The following SUN1 variants were observed in gnomAD, a reference collection of about 807,000 sequenced individuals.
SUN1 encodes the protein Sad1 and UNC84 domain containing 1, also known as SUN domain-containing protein 1.
SUN1 carries 61 observed loss-of-function variants against 103.2 expected under a neutral mutation model. The ratio of observed to expected loss-of-function variants is 0.59; its 90% CI spans 0.48 to 0.73. SUN1 has a LOEUF of 0.73. Ranked by LOEUF, SUN1 falls within the 30% of genes least tolerant of loss-of-function variation. SUN1 has a pLI of 0.00. For synonymous variants in SUN1, 490 were observed against 425.7 expected (o/e 1.15, Z -1.86); for missense variants, 1,052 against 1,034.6 (o/e 1.02, Z -0.23).
At chr7:822,336 T>C (rs534190197) in intron 1 of SUN1, among the ~76,000 whole-genome samples, 10 of 152,338 alleles carry the variant, frequency 6.6e-5, no homozygotes, top group Non-Finnish European at 1.3e-4. Flanking sequence ...ATACAGTGAA[T>C]GGCTGTAGGT....
intron 5 of SUN1, chr7:848,440 T>C: frequency 7.3e-7 from 1 of 1,360,692 alleles, no homozygotes; most frequent in Non-Finnish European, 9.8e-7. Context: ...TCTACGTGAA[T>C]AGGATTTTGT....
At chr7:870,893 T>C (rs1052967990) in intron 17 of SUN1, among the ~76,000 whole-genome samples, 296 of 114,276 alleles carry the variant, frequency 2.6e-3, no homozygotes, top group African/African-American at 7.4e-3. Flanking sequence ...CTTTCTTTTT[T>C]TTTTTTTTTT....
intron 17 of SUN1, 30 bp from the exon 18 acceptor site, chr7:872,440 G>C (rs370246334): frequency 6.4e-7 from 1 of 1,559,070 alleles, no homozygotes; most frequent in South Asian, 1.2e-5. Flanking sequence ...TTTTCCATTC[G>C]TTCATAATTG....
intron 1 of SUN1, chr7:817,239 C>A: frequency 1.6e-6 from 1 of 636,990 alleles, no homozygotes; most frequent in Non-Finnish European, 2.8e-6. Context: ...GGATCACAGG[C>A]GTGAGCCACC....
At chr7:833,747 G>GGTCCATC (rs1800121184) in intron 1 of SUN1, among the ~76,000 whole-genome samples, 1 of 152,196 alleles carries the variant, frequency 6.6e-6, no homozygotes, top group African/African-American at 2.4e-5. Context: ...CACAGTTCTA[G>GGTCCATC]GTCCATCACA....
intron 5 of SUN1, among the ~76,000 whole-genome samples, chr7:845,391 G>A (rs1054340066): frequency 4.6e-5 from 7 of 152,196 alleles, no homozygotes; most frequent in African/African-American, 1.7e-4. Flanking sequence ...TGGGCTTCAC[G>A]CCTGCCTTGC....
At chr7:828,484 C>T (rs768020424), upstream of SUN1, among the ~76,000 whole-genome samples, 4 of 152,094 alleles carry the variant, frequency 2.6e-5, no homozygotes, top group Non-Finnish European at 5.9e-5. Flanking sequence ...GTTGGCCCCG[C>T]TGGCCTCGAA....
At chr7:821,289 C>T (rs1785751447) in intron 1 of SUN1, among the ~76,000 whole-genome samples, 1 of 149,944 alleles carries the variant, frequency 6.7e-6, no homozygotes, top group Non-Finnish European at 1.5e-5. Flanking sequence ...CCGGCCTTAG[C>T]CTCCTGAGTA....
At chr7:858,893 G>A (rs553329760) in intron 13 of SUN1, among the ~76,000 whole-genome samples, 6 of 152,308 alleles carry the variant, frequency 3.9e-5, no homozygotes, top group South Asian at 2.1e-4. Flanking sequence ...CGCGGCTCAC[G>A]CCTGTGATTC....
At chr7:853,729 G>T in intron 10 of SUN1, 111 bp downstream of exon 10, 1 of 1,242,656 alleles carries the variant, frequency 8.0e-7, no homozygotes, top group South Asian at 1.4e-5. Context: ...TTGTGAAAAG[G>T]GGTTGCCCTT....
rs368348962 is a variant in SUN1 at position 864,668 on chromosome 7, G to A, written c.1865-1284G>A. Among the ~76,000 whole-genome samples, 28 of 54,986 alleles carry A rather than the reference G, an allele frequency of 5.1e-4. No homozygotes were observed. In the East Asian group the frequency reaches 9.7e-3, roughly 19 times the overall value. 36.1% of individuals were successfully genotyped at this position (54,986 alleles called of 152,430 possible). ...TAGAGACAAAGAGTCTCGCTCTGTC[G>A]CCCAGGCTGGAGTGCAATGGCGCAA... On this transcript the variant is annotated intron_variant, in intron 15 of 18. Coordinates refer to ENST00000401592, the MANE Select transcript of SUN1 (RefSeq NM_001130965.3).
intron 5 of SUN1, chr7:848,571 A>G (rs1387904583): frequency 1.5e-6 from 2 of 1,353,090 alleles, no homozygotes; most frequent in Non-Finnish European, 2.0e-6. Flanking sequence ...GAATCAAAAG[A>G]TTGTGAATCC....
intron 1 of SUN1, among the ~76,000 whole-genome samples, chr7:822,060 T>G (rs78733180): frequency 6.6e-6 from 1 of 152,148 alleles, no homozygotes; most frequent in East Asian, 1.9e-4. Context: ...ACTTGATTTA[T>G]AGATAGAGGA....
At chr7:850,477 T>TA (rs887754839) in intron 5 of SUN1, 13 of 154,812 alleles carry the variant, frequency 8.4e-5, no homozygotes, top group East Asian at 1.9e-4. Flanking sequence ...GTTGGCATCT[T>TA]AAAAAAAAAG....
At chr7:829,811 C>A (rs1470161734), upstream of SUN1, among the ~76,000 whole-genome samples, 2 of 152,190 alleles carry the variant, frequency 1.3e-5, no homozygotes, top group African/African-American at 4.8e-5. Flanking sequence ...TCCTCGGCCT[C>A]CCAAAGTGCT....
At chr7:826,188 C>G (rs1455153300) in intron 1 of SUN1, among the ~76,000 whole-genome samples, 2 of 150,680 alleles carry the variant, frequency 1.3e-5, no homozygotes, top group African/African-American at 4.9e-5. Context: ...GATCACGCCC[C>G]TGGCACTCTA....
intron 11 of SUN1, 106 bp downstream of exon 11, chr7:855,112 G>T (rs1825899626): frequency 2.3e-6 from 2 of 882,830 alleles, no homozygotes; most frequent in Non-Finnish European, 3.5e-6. Context: ...TAGGCTATTT[G>T]CTGTTTGTTT....
At chr7:860,451 T>A in intron 14 of SUN1, 69 bp downstream of exon 14, 1 of 1,578,502 alleles carries the variant, frequency 6.3e-7, no homozygotes, top group Non-Finnish European at 8.6e-7. Context: ...GACCTAGCTG[T>A]GAGGTGTGGA....
upstream of SUN1, among the ~76,000 whole-genome samples, chr7:831,341 G>A (rs1358025169): frequency 3.3e-5 from 5 of 150,100 alleles, no homozygotes; most frequent in Admixed American, 6.7e-5. Flanking sequence ...GTACGATCTC[G>A]GCTCACTGCA....
Sources: gnomAD v4.1 joint callset for allele counts (sites outside exome capture counted in the v4.1 genomes callset) on GRCh38, gnomAD v4.1.1 for gene constraint, MANE v1.5 for transcripts, NCBI Gene and HGNC (gene_info 2026-07-23, HGNC 2026-07-21) for gene names.